The following MEIOC variants were observed in gnomAD, a reference collection of about 807,000 sequenced individuals.
MEIOC encodes meiosis specific with coiled-coil domain.
MEIOC carries 9 observed loss-of-function variants against 85.3 expected under a neutral mutation model. That is an observed-to-expected ratio of 0.11 (90% CI 0.06 to 0.18). The LOEUF is 0.18. Among genes scored for constraint, MEIOC ranks in the 10% least tolerant of loss-of-function variants. The probability of loss-of-function intolerance (pLI) is 1.00; values close to 1 mark genes in which losing one functional copy is unlikely to be tolerated. For synonymous variants in MEIOC, 365 were observed against 393.7 expected (o/e 0.93, Z 0.86); for missense variants, 898 against 1,129.4 (o/e 0.80, Z 2.94).
intron 3 of MEIOC, chr17:44,664,999 G>A (rs1271822406): frequency 3.9e-6 from 1 of 255,138 alleles, no homozygotes; most frequent in Non-Finnish European, 6.2e-6. Flanking sequence ...CTGAGCAGGT[G>A]TTGATGGAAT....
rs1353407802 is a variant in MEIOC at position 44,656,567 on chromosome 17, G to T, written c.-47G>T. The T allele has an allele frequency of 2.9e-6, 4 of 1,363,054 alleles. No homozygotes were observed. Among genetic ancestry groups the T allele is most frequent in the African/African-American group, 3.1e-5 (2 of 65,006 alleles). The allele number at this position is 1,363,054 out of a possible 1,614,324, so 84.4% of individuals were successfully genotyped here. A position where few individuals can be genotyped will look rare whatever the true frequency, so the allele number is the denominator to read the frequency against. On this transcript the variant is annotated 5_prime_UTR_variant, in exon 1 of 8. Coordinates refer to ENST00000409122, the MANE Select transcript of MEIOC (RefSeq NM_001145080.3). ...CCTGGACGCCCCCCCCATCACCCCC[G>T]TACCCCAGGAGCTGTGCCTAGTCCA...
chr17:44,667,530 C>A lies in MEIOC; in HGVS notation c.1619C>A (p.Pro540His). The change falls in exon 5 of 8, where the codon CCT becomes CAT. Residue 540 changes from proline (P) to histidine (H), a missense_variant. This residue lies in a region of MEIOC where 734 missense variants were observed against 860.1 expected (regional missense o/e 0.85). Transcript: ENST00000409122. ...NLFQKYCQENPSAFSSFDFSY... is the reference protein window; with the variant it reads ...NLFQKYCQENHSAFSSFDFSY... ...TTTCAGAAATATTGCCAAGAAAACC[C>A]TTCAGCATTTTCTAGTTTTGATTTT... 1 of 1,613,902 alleles carries A rather than the reference C, an allele frequency of 6.2e-7. No individual in the cohort carries two copies. Among genetic ancestry groups the A allele is most frequent in the African/African-American group, 1.3e-5 (1 of 75,030 alleles).
downstream of MEIOC, among the ~76,000 whole-genome samples, chr17:44,676,705 T>C (rs1322201436): frequency 6.6e-6 from 1 of 152,172 alleles, no homozygotes; most frequent in Non-Finnish European, 1.5e-5. Flanking sequence ...GCCTGTAGTC[T>C]CAGCTACTTG....
chr17:44,675,301 T>C lies in MEIOC; in HGVS notation c.*1105T>C. Reference sequence around the variant, plus strand: ...TATTGAAAGCTTAACTTTTTCTGTTTCTCATCACTTAGTATCTTTGTATAG... The same window carrying C: ...TATTGAAAGCTTAACTTTTTCTGTTCCTCATCACTTAGTATCTTTGTATAG... On this transcript the variant is annotated 3_prime_UTR_variant, in exon 8 of 8. Coordinates refer to ENST00000409122, the MANE Select transcript of MEIOC (RefSeq NM_001145080.3). The C allele has an allele frequency of 1.0e-6, 1 of 977,200 alleles. No individual in the cohort carries two copies. Among genetic ancestry groups the C allele is most frequent in the Non-Finnish European group, 1.2e-6 (1 of 822,466 alleles). 60.5% of individuals were successfully genotyped at this position (977,200 alleles called of 1,614,324 possible).
Position 44,657,257 on chromosome 17 carries a change from C to T in MEIOC, c.200C>T (p.Ser67Leu). The change falls in exon 2 of 8, where the codon TCG (serine) becomes TTG (leucine). Residue 67 changes from serine to leucine, a missense_variant. Ser to Leu is a moderately radical substitution (Grantham distance 145). This residue lies in a region of MEIOC where 734 missense variants were observed against 860.1 expected (regional missense o/e 0.85). Transcript: ENST00000409122. ...GCTTCCTTCTACGATTGCTACACAT[C>T]GCAGGTCCTTTAGTAAACTCTGCCT... ...GSASFYDCYT[S>L]QSEDNVDLRQ... The T allele has an allele frequency of 1.9e-6, 3 of 1,551,126 alleles. No individual in the cohort carries two copies. The highest frequency in any genetic ancestry group is 1.2e-5 in the South Asian group (1 of 84,018).
Position 44,656,666 on chromosome 17 carries a change from G to C in MEIOC, c.53G>C (p.Arg18Thr). The C allele has an allele frequency of 6.7e-7, 1 of 1,492,816 alleles. No individual in the cohort carries two copies. Among genetic ancestry groups the C allele is most frequent in the Non-Finnish European group, 8.9e-7 (1 of 1,121,352 alleles). 92.5% of individuals were successfully genotyped at this position (1,492,816 alleles called of 1,614,324 possible). The change falls in exon 1 of 8, where the codon AGG (arginine) becomes ACG (threonine). Residue 18 changes from arginine (R) to threonine (T), a missense_variant. Physicochemically the swap from Arg to Thr is moderately conservative, Grantham distance 71 (BLOSUM62 -1). Coordinates refer to ENST00000409122, the MANE Select transcript of MEIOC (RefSeq NM_001145080.3). ...TCPRPHPSGLREEGLEPKVAF... is the reference protein window; with the variant it reads ...TCPRPHPSGLTEEGLEPKVAF... ...CCGCGCCCTCACCCCTCAGGCCTGA[G>C]GGAGGAAGGACTTGAGGTAATGGAT...
At position 44,675,701 on chromosome 17, in the gene MEIOC, G is replaced by C. The variant is rs17627401; in HGVS notation, c.*1505G>C. Reference sequence around the variant, plus strand: ...ATCATCTCACCACAGTCACTGCATAGAAAGTGGTTAAGTTTAACATAAGAC... The same window carrying C: ...ATCATCTCACCACAGTCACTGCATACAAAGTGGTTAAGTTTAACATAAGAC... On this transcript the variant is annotated 3_prime_UTR_variant, in exon 8 of 8. Transcript: ENST00000409122. 33,657 of 984,506 alleles carry C rather than the reference G, an allele frequency of 0.034. 635 individuals carry two copies. The highest frequency in any genetic ancestry group is 0.038 in the Non-Finnish European group (31,698 of 829,108). 61.0% of individuals were successfully genotyped at this position (984,506 alleles called of 1,614,324 possible). A position where few individuals can be genotyped will look rare whatever the true frequency, so the allele number is the denominator to read the frequency against.
chr17:44,661,973 G>A (rs1387096806), intron 2 of MEIOC, among the ~76,000 whole-genome samples: 3 of 152,098 alleles, frequency 2.0e-5, no homozygotes, highest in African/African-American at 7.2e-5. Flanking sequence ...CCAGCAACAA[G>A]GAGCCAGAGC....
At chr17:44,661,053 G>C (rs765989870) in intron 2 of MEIOC, among the ~76,000 whole-genome samples, 1 of 152,112 alleles carries the variant, frequency 6.6e-6, no homozygotes. Context: ...GAAGGCCCAA[G>C]GCGGGCAGAT....
At chr17:44,657,001 T>G in intron 1 of MEIOC, 126 bp from the exon 2 acceptor site, 1 of 1,154,668 alleles carries the variant, frequency 8.7e-7, no homozygotes, top group Non-Finnish European at 1.2e-6. Context: ...GGCCCCCACA[T>G]TCGTGTCCTC....
chr17:44,665,214 A>G (rs975974255), intron 3 of MEIOC, 170 bp from the exon 4 acceptor site: 1 of 990,374 alleles, frequency 1.0e-6, no homozygotes, highest in Admixed American at 4.4e-5. Flanking sequence ...ATTTCCACAT[A>G]AAAATATTTA....
chr17:44,662,167 G>C (rs1971850896), intron 2 of MEIOC, 150 bp from the exon 3 acceptor site: 1 of 648,352 alleles, frequency 1.5e-6, no homozygotes, highest in Non-Finnish European at 2.6e-6. Flanking sequence ...GCCAATCCCT[G>C]GTATAAAGCA....
chr17:44,668,152 T>C lies in MEIOC; in HGVS notation c.2241T>C (p.Arg747=). The C allele has an allele frequency of 6.2e-7, 1 of 1,613,990 alleles. No individual in the cohort carries two copies. Among genetic ancestry groups the C allele is most frequent in the Non-Finnish European group, 8.5e-7 (1 of 1,179,884 alleles). ...TFGFQRPIKT[R]SGPASELHIR... ...GATTTCAAAGACCAATTAAAACCCG[T>C]AGTGGACCAGCCAGTGAACTTCATA... Residue 747 remains arginine (R), a synonymous_variant, in exon 5 of 8, where the codon CGT becomes CGC. Transcript: ENST00000409122.
chr17:44,661,864 T>C (rs1971847284), intron 2 of MEIOC, among the ~76,000 whole-genome samples: 1 of 152,122 alleles, frequency 6.6e-6, no homozygotes, highest in Non-Finnish European at 1.5e-5. Context: ...ATTTTATATA[T>C]AATGTATTAA....
chr17:44,666,111 G>A (rs1971899526), intron 4 of MEIOC, among the ~76,000 whole-genome samples: 1 of 152,062 alleles, frequency 6.6e-6, no homozygotes, highest in African/African-American at 2.4e-5. Flanking sequence ...CTAAGACCAT[G>A]AAGTCACATA....
In MEIOC at chr17:44,667,104, C is replaced by G; in HGVS notation, c.1193C>G (p.Thr398Arg). Residue 398 changes from threonine (T) to arginine (R), a missense_variant, in exon 5 of 8, where the codon ACG (threonine) becomes AGG (arginine). By Grantham distance (71) the Thr-to-Arg change is moderately conservative (BLOSUM62 -1). This residue lies in a region of MEIOC where 734 missense variants were observed against 860.1 expected (regional missense o/e 0.85). Transcript: ENST00000409122. ...CAGAATTTCACATTTCCAAAAACTA[C>G]GCCACATCTGACAGAGAAACAGTTT... The part of the protein sequence containing the change: ...DQQNFTFPKT[T>R]PHLTEKQFAK... The G allele has an allele frequency of 6.2e-7, 1 of 1,613,752 alleles. No homozygotes were observed. The highest frequency in any genetic ancestry group is 8.5e-7 in the Non-Finnish European group (1 of 1,179,802).
At chr17:44,659,062 A>T (rs1410555141) in intron 2 of MEIOC, among the ~76,000 whole-genome samples, 1 of 152,174 alleles carries the variant, frequency 6.6e-6, no homozygotes, top group Non-Finnish European at 1.5e-5. Flanking sequence ...TTACCTCACC[A>T]AGACATTTAG....
intron 2 of MEIOC, 100 bp from the exon 3 acceptor site, chr17:44,662,217 C>T: frequency 3.2e-6 from 3 of 923,182 alleles, no homozygotes; most frequent in Non-Finnish European, 4.9e-6. Context: ...GTAATTCTCC[C>T]AACTCTTACA....
rs767614611 is a variant in MEIOC at position 44,666,848 on chromosome 17, C to T, written c.937C>T (p.Leu313Phe). Residue 313 changes from leucine to phenylalanine, a missense_variant, in exon 5 of 8, where the codon CTT becomes TTT. By Grantham distance (22) the Leu-to-Phe change is conservative. Coordinates refer to ENST00000409122, the MANE Select transcript of MEIOC (RefSeq NM_001145080.3). ...PLQQKRAEMFLSQFNRYNENV... is the reference protein window; with the variant it reads ...PLQQKRAEMFFSQFNRYNENV... ...ACAGCAAAAAAGGGCAGAGATGTTTCTTTCTCAATTTAATAGATACAATGA... is the reference window on the plus strand; with the variant it reads ...ACAGCAAAAAAGGGCAGAGATGTTTTTTTCTCAATTTAATAGATACAATGA... The T allele has an allele frequency of 8.7e-6, 14 of 1,611,482 alleles. No individual in the cohort carries two copies. In the East Asian group the frequency reaches 1.1e-4, roughly 13 times the overall value.
Sources: gnomAD v4.1 joint callset for allele counts (sites outside exome capture counted in the v4.1 genomes callset) on GRCh38, gnomAD v4.1.1 for gene constraint, gnomAD v4.1.1 regional missense constraint, MANE v1.5 for transcripts, NCBI Gene and HGNC (gene_info 2026-07-23, HGNC 2026-07-21) for gene names.